BOLL: variants seen among roughly 807,000 people sequenced by gnomAD.
The protein encoded by BOLL is protein boule-like.
A neutral mutation model predicts 44.4 loss-of-function variants in BOLL; 23 were observed. The observed-to-expected ratio is 0.52, with a 90% CI of 0.37 to 0.73. The LOEUF (loss-of-function observed/expected upper bound fraction) is 0.73, where lower values mean the gene tolerates loss of function less well. Ranked by LOEUF, BOLL falls within the 30% of genes least tolerant of loss-of-function variation. The pLI, the probability that BOLL is intolerant of heterozygous loss-of-function variation, is 0.00. For missense variants in BOLL, 287 were observed against 338.3 expected, an observed-to-expected ratio of 0.85 and a Z score of 1.19; for synonymous variants, 97 against 110.8, an observed-to-expected ratio of 0.88 and a Z score of 0.78.
At chr2:197,754,187 A>G (rs1688394172) in intron 9 of BOLL, among the ~76,000 whole-genome samples, 1 of 152,144 alleles carries the variant, frequency 6.6e-6, no homozygotes. Flanking sequence ...CCTAATGTAG[A>G]TGATGGGCTG....
chr2:197,756,732 C>CTG (rs1381147009), intron 8 of BOLL, among the ~76,000 whole-genome samples, 176 bp from the exon 9 acceptor site: 2 of 152,104 alleles, frequency 1.3e-5, no homozygotes, highest in Admixed American at 6.5e-5. Context: ...TAAATTCCAA[C>CTG]TGTGTAGATG....
intron 6 of BOLL, among the ~76,000 whole-genome samples, chr2:197,768,730 T>G (rs1689104868): frequency 6.7e-6 from 1 of 148,416 alleles, no homozygotes; most frequent in Non-Finnish European, 1.5e-5. Context: ...GAAGAAAAAA[T>G]CTTGTGCCAG....
chr2:197,729,564 T>C (rs1379545037), intron 10 of BOLL, among the ~76,000 whole-genome samples: 1 of 152,190 alleles, frequency 6.6e-6, no homozygotes, highest in Non-Finnish European at 1.5e-5. Context: ...AATGTCCCTG[T>C]CTGACAGCTT....
chr2:197,752,403 A>G (rs956856913), intron 9 of BOLL, among the ~76,000 whole-genome samples: 1 of 152,204 alleles, frequency 6.6e-6, no homozygotes, highest in African/African-American at 2.4e-5. Flanking sequence ...AGAAAACCCC[A>G]TCATCTCAGC....
At chr2:197,755,656 C>T (rs531434044) in intron 9 of BOLL, among the ~76,000 whole-genome samples, 1 of 152,308 alleles carries the variant, frequency 6.6e-6, no homozygotes, top group Non-Finnish European at 1.5e-5. Flanking sequence ...GAAAACCAAA[C>T]ACTGCACGTT....
At chr2:197,749,884 A>G (rs904887705) in intron 9 of BOLL, among the ~76,000 whole-genome samples, 1 of 151,954 alleles carries the variant, frequency 6.6e-6, no homozygotes, top group Non-Finnish European at 1.5e-5. Context: ...AAATACAGAG[A>G]CCACCAGAAA....
At chr2:197,751,859 T>A (rs937304393) in intron 9 of BOLL, among the ~76,000 whole-genome samples, 7 of 151,878 alleles carry the variant, frequency 4.6e-5, no homozygotes, top group African/African-American at 1.7e-4. Flanking sequence ...AAAGAAAATT[T>A]CAGGCCAACA....
At chr2:197,784,867 G>A (rs1689996032) in intron 1 of BOLL, 189 bp downstream of exon 1, 1 of 987,428 alleles carries the variant, frequency 1.0e-6, no homozygotes, top group East Asian at 1.1e-4. Context: ...CATGTGTTAC[G>A]GAAACACCTA....
At chr2:197,732,234 C>A (rs1372745829) in intron 10 of BOLL, among the ~76,000 whole-genome samples, 11 of 151,894 alleles carry the variant, frequency 7.2e-5, no homozygotes, top group Non-Finnish European at 1.6e-4. Context: ...TTTCTCGACA[C>A]ATACACTCTC....
At chr2:197,757,773 A>G (rs183602048) in intron 7 of BOLL, among the ~76,000 whole-genome samples, 1 of 152,192 alleles carries the variant, frequency 6.6e-6, no homozygotes, top group Non-Finnish European at 1.5e-5. Flanking sequence ...CATGGAACTT[A>G]TATCAAGAAT....
chr2:197,756,331 T>C lies in BOLL; in HGVS notation c.729+97A>G, dbSNP rs527390507. ...AATCAACAAAACAAAGATGAAGCAG[T>C]TTCAATGAGGGTCGTGAACAAATTT... On this transcript the variant is annotated intron_variant, in intron 9 of 10. Transcript: ENST00000392296. The C allele has an allele frequency of 9.0e-5, 106 of 1,171,870 alleles. No homozygotes were observed. In the South Asian group the frequency reaches 1.9e-3, roughly 21 times the overall value. 72.6% of individuals were successfully genotyped at this position (1,171,870 alleles called of 1,614,324 possible). A position where few individuals can be genotyped will look rare whatever the true frequency, so the allele number is the denominator to read the frequency against.
chr2:197,742,375 T>C (rs1385096138), intron 10 of BOLL, among the ~76,000 whole-genome samples: 1 of 152,304 alleles, frequency 6.6e-6, no homozygotes, highest in East Asian at 1.9e-4. Context: ...GTATGTTTAT[T>C]GCGGCACTAT....
At position 197,771,916 on chromosome 2, in the gene BOLL, T is replaced by G; in HGVS notation, c.419A>C (p.Tyr140Ser). The G allele has an allele frequency of 1.3e-6, 2 of 1,598,980 alleles. No individual in the cohort carries two copies. Among genetic ancestry groups the G allele is most frequent in the Non-Finnish European group, 1.7e-6 (2 of 1,170,958 alleles). ...ATGAAAATAAGCAACACCATTATGG[T>G]AAGTATAAGGATATCCAGTTGAAGT... is the stretch of plus-strand genomic sequence containing the variant. ...LTTSTGYPYT[Y>S]HNGVAYFHTP... The change falls in exon 6 of 11, where the codon TAC becomes TCC. Residue 140 changes from tyrosine to serine, a missense_variant. By Grantham distance (144) the Tyr-to-Ser change is moderately radical. Transcript: ENST00000392296.
intron 10 of BOLL, among the ~76,000 whole-genome samples, chr2:197,738,575 C>T (rs561237000): frequency 2.4e-4 from 36 of 152,304 alleles, no homozygotes; most frequent in African/African-American, 8.2e-4. Context: ...AGCAGTTAGA[C>T]TTGTGCTTCA....
At chr2:197,762,448 A>AT (rs1212955643) in intron 7 of BOLL, among the ~76,000 whole-genome samples, 1 of 152,176 alleles carries the variant, frequency 6.6e-6, no homozygotes, top group Non-Finnish European at 1.5e-5. Context: ...ACAGCTGCAG[A>AT]ATATACTTTC....
intron 10 of BOLL, among the ~76,000 whole-genome samples, chr2:197,738,601 T>C (rs1376688641): frequency 3.3e-5 from 5 of 152,222 alleles, no homozygotes; most frequent in Non-Finnish European, 7.3e-5. Flanking sequence ...TGCATAAGGT[T>C]TCTATTTTAT....
At chr2:197,747,365 C>T (rs1454674680) in intron 9 of BOLL, among the ~76,000 whole-genome samples, 3 of 151,936 alleles carry the variant, frequency 2.0e-5, no homozygotes, top group Admixed American at 1.3e-4. Flanking sequence ...AGGCTGATTA[C>T]GAGGTCAGGA....
At chr2:197,770,176 C>G (rs1045538045) in intron 6 of BOLL, among the ~76,000 whole-genome samples, 1 of 152,004 alleles carries the variant, frequency 6.6e-6, no homozygotes, top group Non-Finnish European at 1.5e-5. Flanking sequence ...GAACAGAGGC[C>G]TCAGAAATAA....
intron 7 of BOLL, among the ~76,000 whole-genome samples, chr2:197,763,558 T>C (rs552689923): frequency 2.0e-5 from 3 of 151,700 alleles, no homozygotes; most frequent in Non-Finnish European, 4.4e-5. Flanking sequence ...TAAAACGTCT[T>C]CCAACAAAGA....
Sources: gnomAD v4.1 joint callset for allele counts (sites outside exome capture counted in the v4.1 genomes callset) on GRCh38, gnomAD v4.1.1 for gene constraint, MANE v1.5 for transcripts, NCBI Gene and HGNC (gene_info 2026-07-23, HGNC 2026-07-21) for gene names.